Variants in SHLD2 observed in about 807,000 individuals in gnomAD.
SHLD2 encodes RINN1-REV7-interacting novel NHEJ regulator 2.
In SHLD2, 30 loss-of-function variants were observed where a neutral mutation model predicts 73.2. That is an observed-to-expected ratio of 0.41 (90% confidence interval 0.31 to 0.56). SHLD2 has a LOEUF of 0.56. Ranked by LOEUF, SHLD2 falls within the 20% of genes least tolerant of loss-of-function variation. The probability of loss-of-function intolerance (pLI) is 0.28; values close to 1 mark genes in which losing one functional copy is unlikely to be tolerated. For missense variants in SHLD2, 745 were observed against 1,055.9 expected (o/e 0.71, Z 4.08); for synonymous variants, 285 against 370.1 (o/e 0.77, Z 2.64).
chr10:87,165,424 G>A (rs1847128672), intron 4 of SHLD2, among the ~76,000 whole-genome samples: 1 of 152,106 alleles, frequency 6.6e-6, no homozygotes, highest in South Asian at 2.1e-4. Context: ...CTGAGTGATT[G>A]GGATAAATAT....
intron 2 of SHLD2, among the ~76,000 whole-genome samples, chr10:87,108,484 G>T (rs1441662060): frequency 6.6e-6 from 1 of 152,178 alleles, no homozygotes; most frequent in Non-Finnish European, 1.5e-5. Flanking sequence ...ACCATGCCCA[G>T]CCTAGAGATG....
intron 3 of SHLD2, among the ~76,000 whole-genome samples, chr10:87,154,989 C>T (rs976368500): frequency 1.3e-5 from 2 of 152,138 alleles, no homozygotes; most frequent in African/African-American, 2.4e-5. Flanking sequence ...GGCTGGAGTG[C>T]AGGGGCGCGA....
chr10:87,099,154 A>G (rs1433560304), intron 2 of SHLD2, among the ~76,000 whole-genome samples: 1 of 152,222 alleles, frequency 6.6e-6, no homozygotes, highest in Non-Finnish European at 1.5e-5. Context: ...ATTCAATAGC[A>G]TTCCACAAAG....
chr10:87,157,956 G>A (rs1846548658), intron 3 of SHLD2, 92 bp from the exon 4 acceptor site: 5 of 1,036,198 alleles, frequency 4.8e-6, no homozygotes, highest in Non-Finnish European at 7.1e-6. Flanking sequence ...CTTGGTATAT[G>A]GGAGGCATGC....
At chr10:87,120,574 C>T (rs1843549844) in intron 2 of SHLD2, among the ~76,000 whole-genome samples, 1 of 152,082 alleles carries the variant, frequency 6.6e-6, no homozygotes, top group South Asian at 2.1e-4. Context: ...ATAGCCAGCA[C>T]AGCATGTGGC....
chr10:87,129,918 T>G (rs1844308732), intron 2 of SHLD2, among the ~76,000 whole-genome samples: 1 of 152,228 alleles, frequency 6.6e-6, no homozygotes. Flanking sequence ...TTCTGTATTC[T>G]TTCCATGGAC....
At chr10:87,111,513 C>T (rs1232765136) in intron 2 of SHLD2, among the ~76,000 whole-genome samples, 14 of 151,688 alleles carry the variant, frequency 9.2e-5, no homozygotes, top group African/African-American at 2.9e-4. Context: ...TGGTGGCACG[C>T]GCCTGTAATC....
At chr10:87,121,210 C>T (rs1218876127) in intron 2 of SHLD2, among the ~76,000 whole-genome samples, 2 of 151,990 alleles carry the variant, frequency 1.3e-5, no homozygotes, top group Non-Finnish European at 2.9e-5. Context: ...CTGCAACCTC[C>T]GCCTCCCAGG....
intron 7 of SHLD2, among the ~76,000 whole-genome samples, chr10:87,179,089 G>A (rs1479045120): frequency 6.6e-6 from 1 of 152,196 alleles, no homozygotes; most frequent in East Asian, 1.9e-4. Context: ...GGAGAATAAT[G>A]CTCAGGAAAA....
rs548488904 is a variant in SHLD2 at position 87,137,219 on chromosome 10, A to T, written c.-5-14131A>T. Among the ~76,000 whole-genome samples, 4 of 152,316 alleles carry T rather than the reference A, an allele frequency of 2.6e-5. No individual in the cohort carries two copies. In the East Asian group the frequency reaches 7.7e-4, roughly 29 times the overall value. ...GGATTTAAAGATAATTATGAAAAAAATGCTGGATGATTGAATGATAAAGGT... is the reference window on the plus strand; with the variant it reads ...GGATTTAAAGATAATTATGAAAAAATTGCTGGATGATTGAATGATAAAGGT... On this transcript the variant is annotated intron_variant, in intron 2 of 9. Transcript: ENST00000298786.
At chr10:87,105,026 G>A (rs150856219) in intron 2 of SHLD2, among the ~76,000 whole-genome samples, 1 of 152,114 alleles carries the variant, frequency 6.6e-6, no homozygotes, top group African/African-American at 2.4e-5. Flanking sequence ...TTTTAAAATA[G>A]AGGTCAGGTT....
chr10:87,094,715 G>A (rs892387294), upstream of SHLD2: 92 of 1,508,542 alleles, frequency 6.1e-5, no homozygotes, highest in Non-Finnish European at 8.1e-5. The surrounding 1 kb of genome is among the most constrained non-coding windows in gnomAD (Gnocchi z 6.6). Context: ...GCCGAGCCCA[G>A]GGCAGCGGGC....
chr10:87,140,431 A>AG (rs1423880790), intron 2 of SHLD2, among the ~76,000 whole-genome samples: 3 of 151,458 alleles, frequency 2.0e-5, no homozygotes, highest in African/African-American at 4.9e-5. Flanking sequence ...AAAAAAAAAA[A>AG]AAAAGAAAAA....
At chr10:87,172,726 ATATTTT>A (rs1847674738) in intron 6 of SHLD2, among the ~76,000 whole-genome samples, 1 of 151,880 alleles carries the variant, frequency 6.6e-6, no homozygotes. Context: ...CATATAATAA[ATATTTT>A]TATGTTTATA....
intron 2 of SHLD2, among the ~76,000 whole-genome samples, chr10:87,112,248 AAAAG>A (rs1842976070): frequency 6.6e-6 from 1 of 151,176 alleles, no homozygotes. Flanking sequence ...AAAAAAAAAA[AAAAG>A]GGCAAAGAAT....
chr10:87,111,415 C>T (rs1385663413), intron 2 of SHLD2, among the ~76,000 whole-genome samples: 1 of 151,738 alleles, frequency 6.6e-6, no homozygotes, highest in Non-Finnish European at 1.5e-5. Flanking sequence ...CCGAAGTAGA[C>T]GGATCACTTG....
chr10:87,126,665 T>C (rs992672799), intron 2 of SHLD2, among the ~76,000 whole-genome samples: 4 of 152,118 alleles, frequency 2.6e-5, no homozygotes, highest in Non-Finnish European at 5.9e-5. Flanking sequence ...TTAGAAATAG[T>C]CTGAGTGATG....
At chr10:87,126,440 G>A (rs554016943) in intron 2 of SHLD2, among the ~76,000 whole-genome samples, 8 of 151,792 alleles carry the variant, frequency 5.3e-5, no homozygotes, top group Non-Finnish European at 1.0e-4. Context: ...TGACTTTTTT[G>A]ATTTTGTTTT....
intron 7 of SHLD2, among the ~76,000 whole-genome samples, chr10:87,179,094 G>A (rs2134679269): frequency 6.6e-6 from 1 of 152,260 alleles, no homozygotes; most frequent in Non-Finnish European, 1.5e-5. Context: ...ATAATGCTCA[G>A]GAAAACTCAT....
Sources: allele counts gnomAD v4.1 joint callset (sites outside exome capture counted in the v4.1 genomes callset), GRCh38; gene constraint gnomAD v4.1.1; non-coding constraint Gnocchi (gnomAD v3.1); transcripts MANE v1.5; gene names NCBI Gene and HGNC (gene_info 2026-07-23, HGNC 2026-07-21).